Variants in PPP1R1C observed in about 807,000 individuals in gnomAD.
PPP1R1C encodes protein phosphatase 1 regulatory subunit 1C.
In PPP1R1C, 15 loss-of-function variants were observed where a neutral mutation model predicts 17.4. That is an observed-to-expected ratio of 0.86 (90% confidence interval 0.58 to 1.33). The LOEUF (loss-of-function observed/expected upper bound fraction) is 1.33, where lower values mean the gene tolerates loss of function less well. Ranked by LOEUF, PPP1R1C falls within the 40% of genes most tolerant of loss-of-function variation. PPP1R1C has a pLI of 0.00. For synonymous variants in PPP1R1C, 35 were observed against 43.1 expected (o/e 0.81, Z 0.73); for missense variants, 143 against 130.0 (o/e 1.10, Z -0.48).
chr2:182,115,203 G>A (rs1239703409), intron 4 of PPP1R1C, among the ~76,000 whole-genome samples: 1 of 152,036 alleles, frequency 6.6e-6, no homozygotes, highest in East Asian at 1.9e-4. Flanking sequence ...TATTTCAGAG[G>A]GAACCCCAAG....
chr2:182,058,954 G>A (rs1687768172), intron 2 of PPP1R1C, among the ~76,000 whole-genome samples: 1 of 151,938 alleles, frequency 6.6e-6, no homozygotes, highest in Admixed American at 6.6e-5. Flanking sequence ...ATTACAACTA[G>A]TTTTCCAAAA....
At chr2:182,004,928 TG>T (rs551575946) in intron 2 of PPP1R1C, among the ~76,000 whole-genome samples, 211 of 152,272 alleles carry the variant, frequency 1.4e-3, no homozygotes, top group South Asian at 5.0e-3. Flanking sequence ...AGAAGCCATT[TG>T]GGAGAGTGGG....
At chr2:182,109,581 G>T (rs986570345) in intron 4 of PPP1R1C, among the ~76,000 whole-genome samples, 5 of 152,146 alleles carry the variant, frequency 3.3e-5, no homozygotes, top group African/African-American at 1.2e-4. Flanking sequence ...AGTTGTTCAA[G>T]TTCCCGTTTG....
At chr2:182,125,220 G>A (rs1689846136) in intron 5 of PPP1R1C, among the ~76,000 whole-genome samples, 1 of 152,106 alleles carries the variant, frequency 6.6e-6, no homozygotes, top group Admixed American at 6.6e-5. Context: ...TGTGTATGTT[G>A]AACCAGCCTT....
chr2:182,069,419 G>GACA (rs1688079465), intron 4 of PPP1R1C, among the ~76,000 whole-genome samples: 1 of 151,684 alleles, frequency 6.6e-6, no homozygotes, highest in South Asian at 2.1e-4. Flanking sequence ...GAAGCAATTT[G>GACA]AGAATGTACC....
At chr2:182,098,745 C>G (rs1689016154) in intron 4 of PPP1R1C, among the ~76,000 whole-genome samples, 1 of 152,128 alleles carries the variant, frequency 6.6e-6, no homozygotes, top group Admixed American at 6.6e-5. Context: ...AAAAGTACTT[C>G]AGAACACTTG....
chr2:182,089,010 T>A (rs1688707657), intron 4 of PPP1R1C, among the ~76,000 whole-genome samples: 1 of 152,176 alleles, frequency 6.6e-6, no homozygotes, highest in South Asian at 2.1e-4. Flanking sequence ...AGAGGAAGAA[T>A]AAATAGAAAT....
chr2:182,005,829 T>C (rs956273014), intron 2 of PPP1R1C, among the ~76,000 whole-genome samples: 14 of 152,274 alleles, frequency 9.2e-5, no homozygotes, highest in Middle Eastern at 3.4e-3. Flanking sequence ...ATTTACTAGG[T>C]CTGTCACTTT....
intron 1 of PPP1R1C, among the ~76,000 whole-genome samples, chr2:181,970,486 C>A (rs1344647680): frequency 2.6e-5 from 4 of 152,142 alleles, no homozygotes; most frequent in Admixed American, 6.5e-5. Flanking sequence ...CTTACATTTC[C>A]CCAAACAGAG....
intron 2 of PPP1R1C, among the ~76,000 whole-genome samples, chr2:182,060,002 T>A (rs1687803421): frequency 6.6e-6 from 1 of 152,114 alleles, no homozygotes; most frequent in Non-Finnish European, 1.5e-5. Context: ...TGGATCATAT[T>A]TGATATTTAA....
chr2:182,043,075 C>T (rs1283103266), intron 2 of PPP1R1C, among the ~76,000 whole-genome samples: 1 of 152,166 alleles, frequency 6.6e-6, no homozygotes, highest in East Asian at 1.9e-4. Flanking sequence ...ACTATTAAAA[C>T]ATAATGGCCA....
intron 4 of PPP1R1C, among the ~76,000 whole-genome samples, chr2:182,065,714 A>C (rs1687966312): frequency 6.6e-6 from 1 of 152,108 alleles, no homozygotes; most frequent in Non-Finnish European, 1.5e-5. Flanking sequence ...CCTGGGCAAT[A>C]TAGTGAGACC....
At chr2:181,985,537 T>C (rs1196164165), upstream of PPP1R1C, among the ~76,000 whole-genome samples, 1 of 152,224 alleles carries the variant, frequency 6.6e-6, no homozygotes, top group African/African-American at 2.4e-5. The surrounding 1 kb of genome is among the most constrained non-coding windows in gnomAD (Gnocchi z 4.1). Context: ...GCCATTCAAC[T>C]GTTTCGTGGC....
chr2:181,988,861 A>T (rs1685377872), intron 2 of PPP1R1C, among the ~76,000 whole-genome samples: 1 of 152,202 alleles, frequency 6.6e-6, no homozygotes, highest in Non-Finnish European at 1.5e-5. Context: ...GAAAATTTTC[A>T]GGTGATGGAA....
intron 2 of PPP1R1C, among the ~76,000 whole-genome samples, chr2:181,990,956 T>C (rs1157738673): frequency 6.6e-6 from 1 of 152,244 alleles, no homozygotes; most frequent in Admixed American, 6.5e-5. Flanking sequence ...ATTAATGCTG[T>C]TTAAAATTCA....
chr2:182,065,660 A>G lies in PPP1R1C; in HGVS notation c.241+1869A>G, dbSNP rs141870866. Among the ~76,000 whole-genome samples the G allele has an allele frequency of 2.0e-4, 30 of 152,156 alleles. 1 individual carries two copies. In the East Asian group the frequency reaches 5.8e-3, roughly 29 times the overall value. On this transcript the variant is annotated intron_variant, in intron 4 of 4. Coordinates refer to ENST00000682840, the MANE Select transcript of PPP1R1C (RefSeq NM_001080545.3). ...GGCTTGAGCCCAGGAGTTGGAGGCT[A>G]TAGGGCATTATGATTATGCCTGTGA...
intron 2 of PPP1R1C, among the ~76,000 whole-genome samples, chr2:182,005,116 TA>T (rs1182235969): frequency 2.0e-5 from 3 of 152,168 alleles, no homozygotes. Context: ...AATGTGCTTA[TA>T]AAAAACAGAA....
chr2:182,009,546 G>C (rs1686029752), intron 2 of PPP1R1C, among the ~76,000 whole-genome samples: 1 of 152,000 alleles, frequency 6.6e-6, no homozygotes, highest in Non-Finnish European at 1.5e-5. Flanking sequence ...CATATGAGTA[G>C]TTTTGAATAT....
rs546781456 is a variant in PPP1R1C at position 182,051,506 on chromosome 2, T to C, written c.143-9936T>C. On this transcript the variant is annotated intron_variant, in intron 2 of 4. Transcript: ENST00000682840. Reference sequence around the variant, plus strand: ...CACCACATCAGTTACAGTATTTCCATTGATAGACATTTAAAAAAAACGGTC... The same window carrying C: ...CACCACATCAGTTACAGTATTTCCACTGATAGACATTTAAAAAAAACGGTC... Among the ~76,000 whole-genome samples the C allele has an allele frequency of 8.5e-5, 13 of 152,318 alleles. 1 individual carries two copies. Among genetic ancestry groups the C allele is most frequent in the East Asian group, 1.9e-4 (1 of 5,190 alleles).
Sources: gnomAD v4.1 joint callset for allele counts (sites outside exome capture counted in the v4.1 genomes callset) on GRCh38, gnomAD v4.1.1 for gene constraint, Gnocchi (gnomAD v3.1) non-coding constraint, MANE v1.5 for transcripts, NCBI Gene and HGNC (gene_info 2026-07-23, HGNC 2026-07-21) for gene names.